Variants in NPHP1 observed in about 807,000 individuals in gnomAD.
NPHP1 encodes nephrocystin 1, also known as nephrocystin-1.
In NPHP1, 70 loss-of-function variants were observed where a neutral mutation model predicts 90.4. That is an observed-to-expected ratio of 0.77 (90% CI 0.64 to 0.95). The LOEUF (loss-of-function observed/expected upper bound fraction) is 0.95. Among genes scored for constraint, NPHP1 ranks in the 40% least tolerant of loss-of-function variants. The pLI is 0.00. For synonymous variants in NPHP1, 256 were observed against 271.7 expected (o/e 0.94, Z 0.57); for missense variants, 764 against 795.9 (o/e 0.96, Z 0.48).
At chr2:110,178,096 T>A (rs1683631852) in intron 4 of NPHP1, 2 of 375,520 alleles carry the variant, frequency 5.3e-6, no homozygotes, top group Middle Eastern at 7.1e-4. Context: ...CAAGTAGACA[T>A]TCCAAATCAT....
chr2:110,167,012 T>A (rs1682772329), intron 6 of NPHP1, among the ~76,000 whole-genome samples: 1 of 152,158 alleles, frequency 6.6e-6, no homozygotes, highest in South Asian at 2.1e-4. Flanking sequence ...TCAATATTTT[T>A]AAATATTGAT....
chr2:110,188,875 T>C (rs896702052), intron 2 of NPHP1, among the ~76,000 whole-genome samples: 12 of 152,008 alleles, frequency 7.9e-5, no homozygotes, highest in Admixed American at 2.6e-4. Flanking sequence ...TTGACAAACC[T>C]GACAAAAACA....
intron 18 of NPHP1, 88 bp from the exon 19 acceptor site, chr2:110,125,769 T>C (rs1679314105): frequency 6.5e-6 from 7 of 1,076,720 alleles, no homozygotes; most frequent in South Asian, 2.5e-5. Flanking sequence ...AATAAACTTA[T>C]GGACAGGGTT....
At chr2:110,149,485 C>A (rs934180686) in intron 12 of NPHP1, among the ~76,000 whole-genome samples, 1 of 152,106 alleles carries the variant, frequency 6.6e-6, no homozygotes, top group Non-Finnish European at 1.5e-5. Context: ...TCTGGACAGG[C>A]ACAGCACACA....
intron 4 of NPHP1, among the ~76,000 whole-genome samples, chr2:110,174,032 T>C (rs1683344263): frequency 6.6e-6 from 1 of 152,164 alleles, no homozygotes; most frequent in South Asian, 2.1e-4. Flanking sequence ...TGTAACCGTA[T>C]CACCTTTGTT....
chr2:110,140,018 AGCCCCACCCC>A (rs1411638383), intron 16 of NPHP1, among the ~76,000 whole-genome samples: 5 of 152,192 alleles, frequency 3.3e-5, no homozygotes, highest in Non-Finnish European at 7.4e-5. Flanking sequence ...CCCACAGCAC[AGCCCCACCCC>A]GCCCCCTGAC....
At chr2:110,192,350 C>T (rs1244618743) in intron 2 of NPHP1, among the ~76,000 whole-genome samples, 2 of 152,244 alleles carry the variant, frequency 1.3e-5, no homozygotes, top group African/African-American at 2.4e-5. Flanking sequence ...ACAAGAACTA[C>T]GTGACGAATG....
intron 2 of NPHP1, among the ~76,000 whole-genome samples, chr2:110,193,707 A>T (rs538978406): frequency 1.3e-3 from 201 of 152,066 alleles, no homozygotes; most frequent in Middle Eastern, 6.8e-3. Context: ...AATATACATT[A>T]TTCTCAGCAC....
At position 110,150,360 on chromosome 2, in the gene NPHP1, T is replaced by C. The variant is rs911427277; in HGVS notation, c.1084-104A>G. 6.0e-6 allele frequency: 6 copies of C among 1,007,732 alleles called. No homozygotes were observed. The African/African-American group carries it at 7.9e-5, about 13-fold the overall frequency. 62.4% of individuals were successfully genotyped at this position (1,007,732 alleles called of 1,614,324 possible). A position where few individuals can be genotyped will look rare whatever the true frequency, so the allele number is the denominator to read the frequency against. On this transcript the variant is annotated intron_variant, in intron 11 of 19. Transcript: ENST00000445609. ...CAGTGGCTACACTAAGTGAGGAAGA[T>C]GGCAAGGGGAGAACTTTCACTTTTT...
In NPHP1 at chr2:110,203,595, A is replaced by C. The variant is rs542400168; in HGVS notation, c.69+1305T>G. ...TTACCTTCCAAATCCTTTTTACTTT[A>C]AACAAGAGAACAAAAATGGATAAAA... On this transcript the variant is annotated intron_variant, in intron 1 of 19. Transcript: ENST00000445609. 3.9e-5 allele frequency among the ~76,000 whole-genome samples: 6 copies of C among 152,230 alleles called. No individual in the cohort carries two copies. The South Asian group carries it at 1.0e-3, about 26-fold the overall frequency.
At chr2:110,143,506 C>A (rs763975526) in intron 16 of NPHP1, 36 bp downstream of exon 16, 1 of 1,417,796 alleles carries the variant, frequency 7.1e-7, no homozygotes, top group Non-Finnish European at 1.0e-6. Context: ...GCTGAATGAT[C>A]CCAAATTCAC....
chr2:110,164,505 A>G (rs1682571198), intron 8 of NPHP1, 183 bp downstream of exon 8: 1 of 1,259,468 alleles, frequency 7.9e-7, no homozygotes, highest in Non-Finnish European at 1.2e-6. Flanking sequence ...AAAAAAAACT[A>G]ATGAGAAATG....
chr2:110,151,548 A>C (rs1559064120), intron 11 of NPHP1, among the ~76,000 whole-genome samples: 1 of 152,150 alleles, frequency 6.6e-6, no homozygotes, highest in South Asian at 2.1e-4. Context: ...ATAATCCCAA[A>C]TGTGTTATAT....
At chr2:110,157,741 G>A (rs1179366411) in intron 11 of NPHP1, among the ~76,000 whole-genome samples, 1 of 151,998 alleles carries the variant, frequency 6.6e-6, no homozygotes, top group Non-Finnish European at 1.5e-5. Context: ...ACCTCTCTAA[G>A]TTATCATCAC....
At chr2:110,164,858 G>T in intron 7 of NPHP1, 128 bp from the exon 8 acceptor site, 1 of 959,630 alleles carries the variant, frequency 1.0e-6, no homozygotes. Flanking sequence ...AGATGAAAAC[G>T]AGGTAGAGCT....
chr2:110,147,349 G>A (rs1442859572), intron 13 of NPHP1, among the ~76,000 whole-genome samples: 1 of 152,012 alleles, frequency 6.6e-6, no homozygotes, highest in Non-Finnish European at 1.5e-5. Flanking sequence ...CAAATGAATG[G>A]ACAGTGTAAT....
intron 16 of NPHP1, among the ~76,000 whole-genome samples, chr2:110,135,034 T>A (rs898134566): frequency 1.3e-5 from 2 of 152,032 alleles, no homozygotes; most frequent in East Asian, 3.9e-4. Context: ...ATATGTAGAA[T>A]ATATGTAGAA....
chr2:110,148,141 T>G, intron 12 of NPHP1, 115 bp from the exon 13 acceptor site: 1 of 759,006 alleles, frequency 1.3e-6, no homozygotes, highest in East Asian at 2.6e-5. Context: ...ATCCCAATGT[T>G]GAAGGTGAGG....
At chr2:110,183,086 G>C (rs1383383320) in intron 2 of NPHP1, among the ~76,000 whole-genome samples, 1 of 152,148 alleles carries the variant, frequency 6.6e-6, no homozygotes, top group Non-Finnish European at 1.5e-5. Context: ...AATTCAACAA[G>C]AAGAGCTATC....
Sources: gnomAD v4.1 joint callset for allele counts (sites outside exome capture counted in the v4.1 genomes callset) on GRCh38, gnomAD v4.1.1 for gene constraint, MANE v1.5 for transcripts, NCBI Gene and HGNC (gene_info 2026-07-23, HGNC 2026-07-21) for gene names.